Variants in ACYP2 observed in about 807,000 individuals in gnomAD.
ACYP2 encodes acylphosphatase-2.
ACYP2 carries 12 observed loss-of-function variants against 11.2 expected under a neutral mutation model. That is an observed-to-expected ratio of 1.08 (90% CI 0.69 to 1.74). The LOEUF is 1.74. ACYP2 is among the 40% of genes most tolerant of loss of function. The pLI, the probability that ACYP2 is intolerant of heterozygous loss-of-function variation, is 0.00. For synonymous variants in ACYP2, 43 were observed against 32.2 expected, an observed-to-expected ratio of 1.33 and a Z score of -1.13; for missense variants, 134 against 101.9, an observed-to-expected ratio of 1.31 and a Z score of -1.35.
rs553900565 is a variant in ACYP2, at chr2:54,224,036, G to A, written c.405-80652G>A. Among the ~76,000 whole-genome samples the A allele has an allele frequency of 2.8e-4, 43 of 152,254 alleles. 1 individual carries two copies. Among genetic ancestry groups the A allele is most frequent in the Middle Eastern group, 6.8e-3 (2 of 294 alleles). ...ATGGGGTGTCTCAAGATTCTGTACC[G>A]GGACATTGGGGTTAGGCTTCTAAAT... On this transcript the variant is annotated intron_variant, in intron 6 of 6. Coordinates refer to ENST00000607452, the MANE Select transcript of ACYP2 (RefSeq NM_001320586.2).
chr2:54,253,884 C>T (rs1421827440), intron 6 of ACYP2: 1 of 152,114 alleles, frequency 6.6e-6, no homozygotes, highest in Non-Finnish European at 1.5e-5. Context: ...CTGGACATGA[C>T]AAAGAGAGCC....
intron 6 of ACYP2, among the ~76,000 whole-genome samples, chr2:54,290,232 C>T (rs957707959): frequency 1.3e-5 from 2 of 152,086 alleles, no homozygotes; most frequent in African/African-American, 4.8e-5. Flanking sequence ...GCCGTGGCTG[C>T]CTGGCTTGGT....
At chr2:54,092,711 G>T (rs1310529604) in intron 4 of ACYP2, among the ~76,000 whole-genome samples, 1 of 152,168 alleles carries the variant, frequency 6.6e-6, no homozygotes, top group African/African-American at 2.4e-5. Context: ...CAGAAATCCA[G>T]GGTAGCTAAT....
intron 2 of ACYP2, among the ~76,000 whole-genome samples, chr2:53,978,275 AAAAG>A (rs1671591431): frequency 1.3e-5 from 2 of 152,070 alleles, no homozygotes; most frequent in Admixed American, 6.5e-5. Flanking sequence ...AAAAAAAAAA[AAAAG>A]AACTTCTAAT....
At chr2:53,991,567 G>A (rs1672296102) in intron 2 of ACYP2, among the ~76,000 whole-genome samples, 1 of 151,804 alleles carries the variant, frequency 6.6e-6, no homozygotes. Flanking sequence ...CACCACACCT[G>A]GATAATTTTG....
chr2:54,006,809 T>A (rs1191330596), intron 2 of ACYP2, among the ~76,000 whole-genome samples: 2 of 151,976 alleles, frequency 1.3e-5, no homozygotes, highest in Non-Finnish European at 1.5e-5. Flanking sequence ...ACATGACTCC[T>A]AAGCAGTAAG....
At chr2:54,003,097 C>T (rs777505340) in intron 2 of ACYP2, among the ~76,000 whole-genome samples, 10 of 150,808 alleles carry the variant, frequency 6.6e-5, no homozygotes, top group African/African-American at 1.7e-4. Flanking sequence ...TACAGGCATG[C>T]GCCATCATGC....
intron 2 of ACYP2, among the ~76,000 whole-genome samples, chr2:54,020,991 G>A (rs1673978548): frequency 6.6e-6 from 1 of 152,150 alleles, no homozygotes; most frequent in African/African-American, 2.4e-5. Context: ...CTATAGAAGG[G>A]TACAACTCAC....
At chr2:54,029,387 A>C (rs1344704919) in intron 2 of ACYP2, among the ~76,000 whole-genome samples, 1 of 107,136 alleles carries the variant, frequency 9.3e-6, no homozygotes, top group African/African-American at 3.6e-5. Flanking sequence ...ACATTTTATT[A>C]CTTTTTTTTT....
chr2:54,170,580 T>A (rs1905638), intron 6 of ACYP2, among the ~76,000 whole-genome samples: 175 of 63,622 alleles, frequency 2.8e-3, no homozygotes, highest in Middle Eastern at 6.7e-3. Flanking sequence ...TTTTTTTTTT[T>A]AAAATCACAG....
chr2:54,240,835 T>TAG (rs1686700967), intron 6 of ACYP2, among the ~76,000 whole-genome samples: 1 of 152,200 alleles, frequency 6.6e-6, no homozygotes, highest in African/African-American at 2.4e-5. Context: ...TTCAGTGGCT[T>TAG]AGGCTGCAAA....
At chr2:54,041,427 G>C (rs1465685099) in intron 2 of ACYP2, among the ~76,000 whole-genome samples, 1 of 152,166 alleles carries the variant, frequency 6.6e-6, no homozygotes, top group Non-Finnish European at 1.5e-5. Flanking sequence ...AAGTATTTGA[G>C]GTTTGAGGAC....
chr2:54,265,963 C>T (rs1257562462), intron 6 of ACYP2, among the ~76,000 whole-genome samples: 2 of 152,076 alleles, frequency 1.3e-5, no homozygotes, highest in African/African-American at 4.8e-5. Flanking sequence ...TTCACGTGCC[C>T]ATTGGACATT....
At chr2:54,197,785 C>G (rs1218313277) in intron 6 of ACYP2, among the ~76,000 whole-genome samples, 1 of 152,062 alleles carries the variant, frequency 6.6e-6, no homozygotes, top group Non-Finnish European at 1.5e-5. Context: ...AGGATTTGGT[C>G]AAAAGACTGG....
intron 4 of ACYP2, among the ~76,000 whole-genome samples, chr2:54,126,765 T>C (rs560969104): frequency 6.6e-6 from 1 of 151,762 alleles, no homozygotes; most frequent in South Asian, 2.1e-4. Context: ...CTGCCCAACA[T>C]GGTAAAACCC....
chr2:54,154,819 G>A (rs1039943756), intron 6 of ACYP2, among the ~76,000 whole-genome samples: 2 of 152,132 alleles, frequency 1.3e-5, no homozygotes, highest in Admixed American at 6.5e-5. Context: ...CATCCTCTTC[G>A]ATTTTTTGGA....
chr2:54,153,160 A>G (rs907261101), intron 6 of ACYP2, among the ~76,000 whole-genome samples: 3 of 152,094 alleles, frequency 2.0e-5, no homozygotes, highest in African/African-American at 7.2e-5. Context: ...ATGGTGTGAC[A>G]TAAGGGTCAA....
At chr2:54,068,711 G>A (rs979071195) in intron 4 of ACYP2, among the ~76,000 whole-genome samples, 3 of 151,906 alleles carry the variant, frequency 2.0e-5, no homozygotes, top group Non-Finnish European at 4.4e-5. Context: ...TGCTACATGC[G>A]CCCAAAAGCA....
chr2:54,204,334 C>CA (rs1399849101), intron 6 of ACYP2, among the ~76,000 whole-genome samples: 5 of 149,694 alleles, frequency 3.3e-5, no homozygotes, highest in Non-Finnish European at 7.4e-5. Context: ...TTCAGCTCAT[C>CA]AGCTGTCAGT....
Sources: gnomAD v4.1 joint callset for allele counts (sites outside exome capture counted in the v4.1 genomes callset) on GRCh38, gnomAD v4.1.1 for gene constraint, MANE v1.5 for transcripts, NCBI Gene and HGNC (gene_info 2026-07-23, HGNC 2026-07-21) for gene names.